Variants in PIGB observed in about 807,000 individuals in gnomAD.
PIGB encodes GPI alpha-1,2-mannosyltransferase 3.
A neutral mutation model predicts 68.4 loss-of-function variants in PIGB; 58 were observed. That is an observed-to-expected ratio of 0.85 (90% CI 0.69 to 1.06). The LOEUF (loss-of-function observed/expected upper bound fraction) is 1.06, where lower values mean the gene tolerates loss of function less well. Ranked by LOEUF, PIGB falls within the 50% of genes least tolerant of loss-of-function variation. PIGB has a pLI of 0.00. For missense variants in PIGB, 634 were observed against 655.8 expected (o/e 0.97, Z 0.36); for synonymous variants, 219 against 220.5 (o/e 0.99, Z 0.06).
At chr15:55,322,509 T>C (rs1181515896) in intron 3 of PIGB, among the ~76,000 whole-genome samples, 2 of 152,122 alleles carry the variant, frequency 1.3e-5, no homozygotes, top group Non-Finnish European at 2.9e-5. Flanking sequence ...TTTTAAGCTG[T>C]CATCAGATGA....
At chr15:55,337,481 A>G (rs567544538) in intron 6 of PIGB, among the ~76,000 whole-genome samples, 26 of 152,212 alleles carry the variant, frequency 1.7e-4, no homozygotes, top group Non-Finnish European at 3.1e-4. Flanking sequence ...TGTGAACTGC[A>G]CATGCAAGGG....
At chr15:55,342,044 C>A (rs1383044172) in intron 9 of PIGB, among the ~76,000 whole-genome samples, 1 of 152,138 alleles carries the variant, frequency 6.6e-6, no homozygotes, top group African/African-American at 2.4e-5. Context: ...TTAATCCCAG[C>A]TACTCAGAAG....
chr15:55,344,705 T>G (rs2055749654), intron 9 of PIGB, among the ~76,000 whole-genome samples: 4 of 152,174 alleles, frequency 2.6e-5, no homozygotes, highest in African/African-American at 4.8e-5. Flanking sequence ...ATTTTCCTTA[T>G]CTGTAAAAGA....
intron 5 of PIGB, among the ~76,000 whole-genome samples, chr15:55,331,416 A>G (rs1021525748): frequency 6.6e-6 from 1 of 152,082 alleles, no homozygotes; most frequent in African/African-American, 2.4e-5. Flanking sequence ...ACACTCCTTT[A>G]AAAAATGCAA....
intron 3 of PIGB, among the ~76,000 whole-genome samples, chr15:55,321,629 T>C (rs1021081336): frequency 6.6e-6 from 1 of 150,676 alleles, no homozygotes; most frequent in African/African-American, 2.4e-5. Flanking sequence ...ATTTGGACAT[T>C]AGAAGTATAC....
Position 55,319,389 on chromosome 15 carries a change from G to A in PIGB, c.139G>A (p.Glu47Lys), listed in dbSNP as rs955128434. 2.1e-5 allele frequency: 33 copies of A among 1,552,556 alleles called. No individual in the cohort carries two copies. Among genetic ancestry groups the A allele is most frequent in the Non-Finnish European group, 2.8e-5 (32 of 1,147,452 alleles). ...RKSTLYFNTQ[E>K]KSARRRGDLL... ...GTCTACCTTGTACTTCAACACCCAG[G>A]AGAAGAGCGCCAGGCGCCGCGGGGG... The change falls in exon 1 of 12, where the codon GAG (glutamate) becomes AAG (lysine). Residue 47 changes from glutamate to lysine, a missense_variant. By Grantham distance (56) the Glu-to-Lys change is moderately conservative. Coordinates refer to ENST00000164305, the MANE Select transcript of PIGB (RefSeq NM_004855.5).
intron 3 of PIGB, among the ~76,000 whole-genome samples, chr15:55,321,666 T>C (rs200448678): frequency 0.05 from 7,182 of 144,208 alleles, 123 homozygotes; most frequent in East Asian, 0.13. Context: ...TTTTTTTTTT[T>C]TTTTGGGACG....
chr15:55,330,608 G>A (rs1188448461), intron 5 of PIGB, among the ~76,000 whole-genome samples: 2 of 152,172 alleles, frequency 1.3e-5, no homozygotes, highest in Non-Finnish European at 2.9e-5. Flanking sequence ...AAGAAGAAGG[G>A]ATGAGGCTGG....
rs139826342 is a variant in PIGB, at chr15:55,324,071, A to T, written c.417+2681A>T. Reference sequence around the variant, plus strand: ...CCTGGCTAATTTTTGTATTTTTAGTAGAGACGGGGTTTCACCGTGGCCAGG... The same window carrying T: ...CCTGGCTAATTTTTGTATTTTTAGTTGAGACGGGGTTTCACCGTGGCCAGG... On this transcript the variant is annotated intron_variant, in intron 3 of 11. Transcript: ENST00000164305. 3.8e-3 allele frequency among the ~76,000 whole-genome samples: 583 copies of T among 152,248 alleles called. 8 individuals carry two copies. Among genetic ancestry groups the T allele is most frequent in the African/African-American group, 0.014 (565 of 41,552 alleles).
chr15:55,326,023 C>A (rs2055275435), intron 3 of PIGB, among the ~76,000 whole-genome samples: 1 of 151,528 alleles, frequency 6.6e-6, no homozygotes, highest in Non-Finnish European at 1.5e-5. Flanking sequence ...ATGGTGAAAC[C>A]CCATCTCTAC....
chr15:55,335,501 G>A (rs1159826348), intron 6 of PIGB, among the ~76,000 whole-genome samples: 1 of 152,162 alleles, frequency 6.6e-6, no homozygotes, highest in Non-Finnish European at 1.5e-5. Flanking sequence ...TTACATTCTA[G>A]TAGGGAGAGA....
chr15:55,343,032 A>G (rs1363578925), intron 9 of PIGB: 2 of 150,680 alleles, frequency 1.3e-5, no homozygotes, highest in African/African-American at 4.9e-5. Flanking sequence ...TTTTTTACTT[A>G]AAAAAAAAGA....
At chr15:55,346,691 T>C (rs1357870852) in intron 9 of PIGB, 1 of 152,220 alleles carries the variant, frequency 6.6e-6, no homozygotes, top group Non-Finnish European at 1.5e-5. Context: ...GGATGATCAC[T>C]TTCTGAAGCT....
chr15:55,347,015 ATACTC>A (rs1244414085), intron 9 of PIGB, among the ~76,000 whole-genome samples: 1 of 152,196 alleles, frequency 6.6e-6, no homozygotes, highest in African/African-American at 2.4e-5. Context: ...CTCTTGACTT[ATACTC>A]TAAAGTTGGG....
chr15:55,324,385 A>G (rs1320361585), intron 3 of PIGB, among the ~76,000 whole-genome samples: 3 of 152,204 alleles, frequency 2.0e-5, no homozygotes, highest in African/African-American at 7.2e-5. Flanking sequence ...ATGGAAAATT[A>G]TGGCATCAAA....
intron 6 of PIGB, among the ~76,000 whole-genome samples, chr15:55,334,876 C>T (rs988486447): frequency 2.0e-5 from 3 of 152,146 alleles, no homozygotes; most frequent in Non-Finnish European, 2.9e-5. Context: ...CCTGCCACCA[C>T]GCCTGGCTAA....
rs113824979 is a variant in PIGB at position 55,331,841 on chromosome 15, G to A, written c.653+1987G>A. On this transcript the variant is annotated intron_variant, in intron 5 of 11. Coordinates refer to ENST00000164305, the MANE Select transcript of PIGB (RefSeq NM_004855.5). The stretch of plus-strand genomic sequence containing the variant: ...TTACAGGCATGAGCCACCAAACCTG[G>A]CCTAAATTTCAAGCTCATGTATCAA... Among the ~76,000 whole-genome samples the A allele has an allele frequency of 5.0e-3, 754 of 152,172 alleles. 10 individuals carry two copies. The highest frequency in any genetic ancestry group is 0.017 in the African/African-American group (720 of 41,506).
intron 10 of PIGB, 105 bp from the exon 11 acceptor site, chr15:55,354,693 C>T: frequency 1.2e-6 from 1 of 827,770 alleles, no homozygotes; most frequent in South Asian, 2.0e-5. Flanking sequence ...ACACAGTTTA[C>T]AGATTCAGAT....
chr15:55,340,027 CAA>C (rs2055627210), intron 7 of PIGB: 2 of 152,136 alleles, frequency 1.3e-5, no homozygotes, highest in African/African-American at 4.8e-5. Flanking sequence ...AATAAAAACA[CAA>C]ACTTAGACTG....
Sources: gnomAD v4.1 joint callset for allele counts (sites outside exome capture counted in the v4.1 genomes callset) on GRCh38, gnomAD v4.1.1 for gene constraint, MANE v1.5 for transcripts, NCBI Gene and HGNC (gene_info 2026-07-23, HGNC 2026-07-21) for gene names.